ASTN2: variants seen among roughly 807,000 people sequenced by gnomAD.
ASTN2 encodes astrotactin 2.
Under a neutral mutation model 139.8 loss-of-function variants are expected in ASTN2, and 54 were observed. That is an observed-to-expected ratio of 0.39 (90% confidence interval 0.31 to 0.48). The LOEUF (loss-of-function observed/expected upper bound fraction) is 0.48, where lower values mean the gene tolerates loss of function less well. ASTN2 is among the 20% of genes least tolerant of loss of function. ASTN2 has a pLI of 0.95. For synonymous variants in ASTN2, 756 were observed against 719.5 expected, an observed-to-expected ratio of 1.05 and a Z score of -0.81; for missense variants, 1,565 against 1,725.1, an observed-to-expected ratio of 0.91 and a Z score of 1.64.
intron 3 of ASTN2, chr9:117,180,750 G>A (rs1232505433): frequency 1.9e-5 from 30 of 1,578,644 alleles, no homozygotes; most frequent in Non-Finnish European, 2.6e-5. Flanking sequence ...GACTGGGGAT[G>A]TACTTGACCC....
At chr9:116,868,886 C>CT (rs967557616) in intron 10 of ASTN2, among the ~76,000 whole-genome samples, 2 of 152,088 alleles carry the variant, frequency 1.3e-5, no homozygotes, top group Non-Finnish European at 2.9e-5. Context: ...GTGTCCTCTC[C>CT]TTTTTTTAAA....
At chr9:117,224,096 T>C (rs888551682) in intron 2 of ASTN2, among the ~76,000 whole-genome samples, 3 of 152,212 alleles carry the variant, frequency 2.0e-5, no homozygotes, top group Admixed American at 1.3e-4. Context: ...TAAAAATTTA[T>C]CAAGGAGAAA....
In ASTN2 at chr9:117,121,864, G is replaced by A. The variant is rs143261423; in HGVS notation, c.1168+19462C>T. On this transcript the variant is annotated intron_variant, in intron 4 of 22. Coordinates refer to ENST00000313400, the MANE Select transcript of ASTN2 (RefSeq NM_001365068.1). Reference sequence around the variant, plus strand: ...AGAGAGACAGGGAGTGAGGGTAGACGTGCTACACACTTTCAAACAACCAGA... The same window carrying A: ...AGAGAGACAGGGAGTGAGGGTAGACATGCTACACACTTTCAAACAACCAGA... 3.3e-4 allele frequency among the ~76,000 whole-genome samples: 50 copies of A among 152,246 alleles called. 1 individual carries two copies. In the East Asian group the frequency reaches 9.5e-3, roughly 29 times the overall value.
In ASTN2 at chr9:116,944,081, C is replaced by T. The variant is rs906357196; in HGVS notation, c.1889+31127G>A. The stretch of plus-strand genomic sequence containing the variant: ...CTCGGTGCTTTTATAAATATGAGCT[C>T]GTCTCATTTTTATAACTACCTTATG... On this transcript the variant is annotated intron_variant, in intron 10 of 22. Transcript: ENST00000313400. Among the ~76,000 whole-genome samples, 92 of 151,694 alleles carry T rather than the reference C, an allele frequency of 6.1e-4. 1 individual carries two copies. The highest frequency in any genetic ancestry group is 2.8e-4 in the Non-Finnish European group (19 of 67,902).
intron 1 of ASTN2, among the ~76,000 whole-genome samples, chr9:117,382,952 G>A (rs1830308528): frequency 6.6e-6 from 1 of 152,116 alleles, no homozygotes; most frequent in Non-Finnish European, 1.5e-5. Context: ...TATCCAGAAG[G>A]CAGAACTTTT....
intron 5 of ASTN2, among the ~76,000 whole-genome samples, chr9:117,073,637 C>T (rs1828194772): frequency 6.6e-6 from 1 of 152,182 alleles, no homozygotes; most frequent in African/African-American, 2.4e-5. Flanking sequence ...TATACTGTTA[C>T]ACTCAATGCA....
intron 5 of ASTN2, among the ~76,000 whole-genome samples, chr9:117,075,235 C>T (rs1431095907): frequency 6.6e-6 from 1 of 152,140 alleles, no homozygotes; most frequent in Non-Finnish European, 1.5e-5. Context: ...CCAAAGGAGT[C>T]CAGGATGAGC....
intron 11 of ASTN2, among the ~76,000 whole-genome samples, chr9:116,830,769 G>A (rs1353793627): frequency 1.4e-5 from 2 of 143,986 alleles, no homozygotes; most frequent in African/African-American, 5.2e-5. Context: ...TCCAGCCTGG[G>A]CAACAGAGTG....
chr9:117,241,215 C>G (rs574765369), intron 2 of ASTN2, among the ~76,000 whole-genome samples: 52 of 152,308 alleles, frequency 3.4e-4, no homozygotes, highest in African/African-American at 1.3e-3. Context: ...GTCGGCATGA[C>G]TCATGAGTTC....
chr9:116,793,116 A>C (rs1391379521), intron 13 of ASTN2, among the ~76,000 whole-genome samples: 2 of 152,200 alleles, frequency 1.3e-5, no homozygotes, highest in East Asian at 3.8e-4. Context: ...AAAAAAATTT[A>C]AAAAGAGAAA....
At chr9:117,061,141 T>TCA (rs1169692700) in intron 5 of ASTN2, among the ~76,000 whole-genome samples, 1 of 104,310 alleles carries the variant, frequency 9.6e-6, no homozygotes, top group Admixed American at 8.2e-5. Flanking sequence ...CACCAGTCTT[T>TCA]TATTTATTTA....
intron 19 of ASTN2, among the ~76,000 whole-genome samples, chr9:116,533,789 C>A (rs1255071709): frequency 6.6e-6 from 1 of 152,068 alleles, no homozygotes; most frequent in Non-Finnish European, 1.5e-5. Flanking sequence ...ATTTTTGCAT[C>A]GATGTTCATC....
intron 13 of ASTN2, among the ~76,000 whole-genome samples, chr9:116,756,770 A>AACACACACACACAC (rs111716372): frequency 1.9e-3 from 286 of 148,110 alleles, no homozygotes; most frequent in African/African-American, 6.7e-3. Flanking sequence ...CTCCGAATAA[A>AACACACACACACAC]ACACACACAC....
intron 3 of ASTN2, among the ~76,000 whole-genome samples, chr9:117,187,776 C>T (rs952717194): frequency 8.7e-5 from 13 of 149,020 alleles, no homozygotes; most frequent in African/African-American, 3.0e-4. Context: ...TTATTTTCTC[C>T]ATAAACTACC....
chr9:116,977,394 C>T (rs1836371893), intron 7 of ASTN2, among the ~76,000 whole-genome samples: 1 of 152,046 alleles, frequency 6.6e-6, no homozygotes, highest in African/African-American at 2.4e-5. Context: ...CTTTTCTCCT[C>T]TCCCTCTCTC....
Position 116,618,331 on chromosome 9 carries a change from C to T in ASTN2, c.3348G>A (p.Leu1116=), listed in dbSNP as rs141343720. 3.1e-6 allele frequency: 5 copies of T among 1,613,580 alleles called. No homozygotes were observed. Among genetic ancestry groups the T allele is most frequent in the Admixed American group, 1.7e-5 (1 of 59,924 alleles). The change falls in exon 19 of 23, where the codon CTG becomes CTA. Residue 1116 remains leucine (L), a synonymous_variant. Transcript: ENST00000313400. ...KKVDEYTDTD[L]YTGEFLSFAD... ...GGGAACTCATGTACCTACCTGTGTACAGGTCAGTGTCTGTGTATTCATCCA... is the reference window on the plus strand; with the variant it reads ...GGGAACTCATGTACCTACCTGTGTATAGGTCAGTGTCTGTGTATTCATCCA...
chr9:117,174,766 G>T (rs1257198127), intron 3 of ASTN2, among the ~76,000 whole-genome samples: 6 of 151,942 alleles, frequency 3.9e-5, no homozygotes, highest in African/African-American at 1.4e-4. Flanking sequence ...AAAATGATTA[G>T]TATATTAGGA....
intron 13 of ASTN2, among the ~76,000 whole-genome samples, chr9:116,745,011 T>C (rs1461296790): frequency 2.0e-5 from 3 of 152,142 alleles, no homozygotes; most frequent in Non-Finnish European, 2.9e-5. Flanking sequence ...TTGTGACCCC[T>C]ACTGTCCAGG....
At chr9:117,311,136 G>C (rs1182724644) in intron 1 of ASTN2, among the ~76,000 whole-genome samples, 1 of 151,680 alleles carries the variant, frequency 6.6e-6, no homozygotes. Context: ...ATTTAAGACA[G>C]GGCTGCTCCA....
Sources: allele counts gnomAD v4.1 joint callset (sites outside exome capture counted in the v4.1 genomes callset), GRCh38; gene constraint gnomAD v4.1.1; transcripts MANE v1.5; gene names NCBI Gene and HGNC (gene_info 2026-07-23, HGNC 2026-07-21).